The following LRRTM4 variants were observed in gnomAD, a reference collection of about 807,000 sequenced individuals.
LRRTM4 encodes leucine rich repeat transmembrane neuronal 4.
Under a neutral mutation model 47.6 loss-of-function variants are expected in LRRTM4, and 25 were observed. That is an observed-to-expected ratio of 0.53 (90% CI 0.38 to 0.73). The LOEUF (loss-of-function observed/expected upper bound fraction) is 0.73, where lower values mean the gene tolerates loss of function less well. Ranked by LOEUF, LRRTM4 falls within the 30% of genes least tolerant of loss-of-function variation. LRRTM4 has a pLI of 0.00. For synonymous variants in LRRTM4, 311 were observed against 269.5 expected (o/e 1.15, Z -1.51); for missense variants, 638 against 713.4 (o/e 0.89, Z 1.20).
intron 3 of LRRTM4, among the ~76,000 whole-genome samples, chr2:77,062,071 G>A (rs1193547147): frequency 6.6e-6 from 1 of 152,146 alleles, no homozygotes; most frequent in Non-Finnish European, 1.5e-5. Flanking sequence ...AGAGGTGAGA[G>A]GAGTGACTGA....
intron 3 of LRRTM4, among the ~76,000 whole-genome samples, chr2:76,893,057 CA>C (rs5832261): frequency 0.39 from 53,547 of 138,106 alleles, 10,328 homozygotes; most frequent in East Asian, 0.73. Flanking sequence ...AGAAAACAAG[CA>C]AAAAAAAAAA....
intron 3 of LRRTM4, among the ~76,000 whole-genome samples, chr2:77,326,048 G>A (rs1353835804): frequency 1.3e-5 from 2 of 152,178 alleles, no homozygotes; most frequent in African/African-American, 4.8e-5. Context: ...CCTCATTTGA[G>A]AAATGCGCTC....
At chr2:76,782,350 T>G (rs78313509) in intron 3 of LRRTM4, among the ~76,000 whole-genome samples, 3 of 152,224 alleles carry the variant, frequency 2.0e-5, no homozygotes, top group Non-Finnish European at 4.4e-5. Flanking sequence ...CTTTTTCTTG[T>G]AATTTTATGA....
intron 3 of LRRTM4, among the ~76,000 whole-genome samples, chr2:76,996,355 T>G (rs1172527344): frequency 3.3e-5 from 5 of 152,108 alleles, no homozygotes; most frequent in Non-Finnish European, 5.9e-5. Flanking sequence ...TGTGTCCTAC[T>G]AATGAAAATT....
chr2:77,520,521 CATA>C (rs950023412), intron 2 of LRRTM4, among the ~76,000 whole-genome samples: 69 of 152,068 alleles, frequency 4.5e-4, no homozygotes, highest in Non-Finnish European at 1.3e-4. Flanking sequence ...TAGATTATTG[CATA>C]CTGTGGCTCC....
At chr2:77,517,555 T>C in intron 3 of LRRTM4, 5 of 984,986 alleles carry the variant, frequency 5.1e-6, no homozygotes, top group Non-Finnish European at 6.0e-6. Context: ...TTCATTCTGA[T>C]TAAACACAAA....
chr2:76,848,676 TAATTTATAACAA>T (rs1240701021), intron 3 of LRRTM4, among the ~76,000 whole-genome samples: 1 of 152,104 alleles, frequency 6.6e-6, no homozygotes, highest in Admixed American at 6.6e-5. Flanking sequence ...TATCTGTATA[TAATTTATAACAA>T]GGATTTTTAA....
At chr2:77,303,513 T>C (rs558899428) in intron 3 of LRRTM4, among the ~76,000 whole-genome samples, 4 of 152,270 alleles carry the variant, frequency 2.6e-5, no homozygotes, top group African/African-American at 9.6e-5. Flanking sequence ...TCTAAAAGGG[T>C]TTGATTGCTG....
At chr2:77,441,674 TATAG>T (rs2103930354) in intron 3 of LRRTM4, among the ~76,000 whole-genome samples, 1 of 152,302 alleles carries the variant, frequency 6.6e-6, no homozygotes, top group South Asian at 2.1e-4. Flanking sequence ...ATAGTTGATA[TATAG>T]AATCACAAAA....
chr2:77,229,453 T>A (rs901974107), intron 3 of LRRTM4, among the ~76,000 whole-genome samples: 1 of 152,168 alleles, frequency 6.6e-6, no homozygotes, highest in Non-Finnish European at 1.5e-5. Flanking sequence ...TAGTTCAACT[T>A]TAATAAATCC....
intron 3 of LRRTM4, among the ~76,000 whole-genome samples, chr2:77,426,247 A>G (rs1675100025): frequency 6.6e-6 from 1 of 152,120 alleles, no homozygotes; most frequent in South Asian, 2.1e-4. Context: ...TTCACTAACT[A>G]ACACCAATTT....
At chr2:77,411,589 A>G (rs1271523360) in intron 3 of LRRTM4, among the ~76,000 whole-genome samples, 1 of 144,788 alleles carries the variant, frequency 6.9e-6, no homozygotes, top group Non-Finnish European at 1.5e-5. Flanking sequence ...AGTAGCTGAG[A>G]CAACAGGCCC....
chr2:77,086,531 G>A (rs1159407612), intron 3 of LRRTM4, among the ~76,000 whole-genome samples: 1 of 150,902 alleles, frequency 6.6e-6, no homozygotes, highest in African/African-American at 2.4e-5. Flanking sequence ...AGGCTGGAGG[G>A]CAATGGCACA....
At chr2:76,974,521 T>TAG (rs1553438830) in intron 3 of LRRTM4, among the ~76,000 whole-genome samples, 2 of 133,932 alleles carry the variant, frequency 1.5e-5, no homozygotes, top group African/African-American at 6.6e-5. Flanking sequence ...ACCATTGTGA[T>TAG]ACACACATAT....
chr2:76,949,020 C>T (rs577417297), intron 3 of LRRTM4, among the ~76,000 whole-genome samples: 1 of 151,804 alleles, frequency 6.6e-6, no homozygotes, highest in Non-Finnish European at 1.5e-5. Flanking sequence ...GATTTAATTC[C>T]CTAGTGAATA....
chr2:77,017,499 G>C (rs1251541349), intron 3 of LRRTM4, among the ~76,000 whole-genome samples: 1 of 152,028 alleles, frequency 6.6e-6, no homozygotes, highest in Non-Finnish European at 1.5e-5. Context: ...CCTAAGGTCT[G>C]GTAAGTACAA....
At chr2:77,285,357 T>TATATATATATATATATATAC (rs1225916450) in intron 3 of LRRTM4, among the ~76,000 whole-genome samples, 1 of 143,114 alleles carries the variant, frequency 7.0e-6, no homozygotes, top group Non-Finnish European at 1.5e-5. Context: ...TATATATATA[T>TATATATATATATATATATAC]ATATATGGCC....
At chr2:76,947,282 T>C (rs2103877210) in intron 3 of LRRTM4, among the ~76,000 whole-genome samples, 1 of 152,006 alleles carries the variant, frequency 6.6e-6, no homozygotes, top group South Asian at 2.1e-4. Flanking sequence ...TAAGTCTCAC[T>C]GTACCCCTGT....
At chr2:77,472,970 A>G (rs1490737681) in intron 3 of LRRTM4, among the ~76,000 whole-genome samples, 1 of 152,188 alleles carries the variant, frequency 6.6e-6, no homozygotes, top group Non-Finnish European at 1.5e-5. Context: ...CAATTGTGAT[A>G]TAAGGATCTA....
Sources: allele counts gnomAD v4.1 joint callset (sites outside exome capture counted in the v4.1 genomes callset), GRCh38; gene constraint gnomAD v4.1.1; transcripts MANE v1.5; gene names NCBI Gene and HGNC (gene_info 2026-07-23, HGNC 2026-07-21).